The following PAM variants were observed in gnomAD, a reference collection of about 807,000 sequenced individuals.
PAM encodes the protein peptidylglycine alpha-amidating monooxygenase, also known as peptidyl-glycine alpha-amidating monooxygenase.
In PAM, 72 loss-of-function variants were observed where a neutral mutation model predicts 122.1. The observed-to-expected ratio is 0.59, with a 90% CI of 0.49 to 0.72. The LOEUF is 0.72. PAM is among the 30% of genes least tolerant of loss of function. The pLI, the probability that PAM is intolerant of heterozygous loss-of-function variation, is 0.00. For synonymous variants in PAM, 389 were observed against 404.4 expected (o/e 0.96, Z 0.46); for missense variants, 1,106 against 1,183.7 (o/e 0.93, Z 0.96).
chr5:102,848,047 G>A (rs1001794377), intron 1 of PAM, among the ~76,000 whole-genome samples: 4 of 152,148 alleles, frequency 2.6e-5, no homozygotes, highest in Admixed American at 2.6e-4. Flanking sequence ...AGAATATATA[G>A]AATGATCTTC....
intron 1 of PAM, among the ~76,000 whole-genome samples, chr5:102,770,150 A>T (rs1755323146): frequency 6.6e-6 from 1 of 151,884 alleles, no homozygotes; most frequent in African/African-American, 2.4e-5. Flanking sequence ...TCTTCTTCAG[A>T]TTGTTTGGCT....
At chr5:102,775,305 A>G (rs1756864125) in intron 1 of PAM, among the ~76,000 whole-genome samples, 2 of 152,012 alleles carry the variant, frequency 1.3e-5, no homozygotes, top group African/African-American at 4.8e-5. Context: ...TACTTTAAGA[A>G]TTTTTGTCTA....
At chr5:102,774,822 A>G (rs1756736594) in intron 1 of PAM, among the ~76,000 whole-genome samples, 1 of 152,082 alleles carries the variant, frequency 6.6e-6, no homozygotes, top group East Asian at 1.9e-4. Flanking sequence ...ATTTTTTAAC[A>G]TACTTAATGT....
At chr5:102,841,548 G>A (rs1376416079) in intron 1 of PAM, among the ~76,000 whole-genome samples, 1 of 152,034 alleles carries the variant, frequency 6.6e-6, no homozygotes, top group Admixed American at 6.6e-5. Flanking sequence ...TTAAAGGTTT[G>A]AAAGAGAGGC....
intron 16 of PAM, among the ~76,000 whole-genome samples, chr5:102,999,496 A>G (rs1443731793): frequency 6.6e-6 from 1 of 152,194 alleles, no homozygotes; most frequent in East Asian, 1.9e-4. Flanking sequence ...CAGCTCCACT[A>G]GGCAGTGCAC....
chr5:102,772,893 C>T (rs1756193450), intron 1 of PAM, among the ~76,000 whole-genome samples: 1 of 152,074 alleles, frequency 6.6e-6, no homozygotes, highest in Non-Finnish European at 1.5e-5. Flanking sequence ...TTTCAAATAT[C>T]TGGAGTTTCA....
At chr5:102,812,941 C>A (rs890131797) in intron 1 of PAM, among the ~76,000 whole-genome samples, 1 of 151,488 alleles carries the variant, frequency 6.6e-6, no homozygotes, top group Non-Finnish European at 1.5e-5. Flanking sequence ...CAAGTGCTCA[C>A]GTAAATAAAA....
At chr5:102,918,414 A>G (rs772938124) in intron 5 of PAM, among the ~76,000 whole-genome samples, 2 of 152,168 alleles carry the variant, frequency 1.3e-5, no homozygotes, top group African/African-American at 2.4e-5. Context: ...CTAAGTGAGC[A>G]GATGCTCTTT....
chr5:102,936,118 T>C (rs1050601256), intron 7 of PAM, among the ~76,000 whole-genome samples: 2 of 152,164 alleles, frequency 1.3e-5, no homozygotes, highest in Admixed American at 1.3e-4. Context: ...ATCTGTTGTA[T>C]CTGTGTGGTG....
At chr5:102,822,149 G>A (rs1300441862) in intron 1 of PAM, among the ~76,000 whole-genome samples, 2 of 152,138 alleles carry the variant, frequency 1.3e-5, no homozygotes, top group South Asian at 2.1e-4. Flanking sequence ...AAATAATAAC[G>A]ATTATGGCCG....
At chr5:102,951,330 A>C (rs971220972) in intron 12 of PAM, among the ~76,000 whole-genome samples, 1 of 152,202 alleles carries the variant, frequency 6.6e-6, no homozygotes, top group Middle Eastern at 3.4e-3. Context: ...AATTTTTTAA[A>C]TACTGAGCCT....
At chr5:102,982,195 C>T (rs928115603) in intron 15 of PAM, among the ~76,000 whole-genome samples, 5 of 152,146 alleles carry the variant, frequency 3.3e-5, no homozygotes, top group African/African-American at 1.2e-4. Flanking sequence ...GTCTGTCAAG[C>T]CTGCCATCAC....
At chr5:102,908,631 T>G (rs572277595) in intron 4 of PAM, among the ~76,000 whole-genome samples, 84 of 151,496 alleles carry the variant, frequency 5.5e-4, no homozygotes, top group Non-Finnish European at 7.7e-4. Flanking sequence ...GACGAGTTAG[T>G]GGGTGCAGCG....
intron 1 of PAM, among the ~76,000 whole-genome samples, chr5:102,812,941 C>T (rs890131797): frequency 1.3e-5 from 2 of 151,610 alleles, no homozygotes; most frequent in Non-Finnish European, 2.9e-5. Flanking sequence ...CAAGTGCTCA[C>T]GTAAATAAAA....
At position 102,950,042 on chromosome 5, in the gene PAM, A is replaced by G. The variant is rs547253991; in HGVS notation, c.801+64A>G. Reference sequence around the variant, plus strand: ...TTAACCAGCAGAAAGTAATTTTTAAAAATTATTATGCAACTCTTGTGAATT... The same window carrying G: ...TTAACCAGCAGAAAGTAATTTTTAAGAATTATTATGCAACTCTTGTGAATT... On this transcript the variant is annotated intron_variant, in intron 11 of 25. Coordinates refer to ENST00000438793, the MANE Select transcript of PAM (RefSeq NM_001177306.2). 3.0e-5 allele frequency: 26 copies of G among 856,190 alleles called. No homozygotes were observed. The African/African-American group carries it at 4.1e-4, about 13-fold the overall frequency. 53.0% of individuals were successfully genotyped at this position (856,190 alleles called of 1,614,324 possible).
intron 1 of PAM, among the ~76,000 whole-genome samples, chr5:102,860,213 C>T (rs571218292): frequency 6.6e-6 from 1 of 152,034 alleles, no homozygotes; most frequent in African/African-American, 2.4e-5. Flanking sequence ...GGTAAGGAGG[C>T]ATCCGTGTGA....
intron 5 of PAM, among the ~76,000 whole-genome samples, chr5:102,914,663 A>G (rs1802569653): frequency 6.6e-6 from 1 of 152,038 alleles, no homozygotes; most frequent in Non-Finnish European, 1.5e-5. Context: ...CTGCAAAGCA[A>G]ATATTGTTAT....
intron 7 of PAM, among the ~76,000 whole-genome samples, chr5:102,927,463 A>AT (rs1291979789): frequency 2.0e-5 from 3 of 152,126 alleles, no homozygotes; most frequent in Non-Finnish European, 4.4e-5. Flanking sequence ...ATTCTCCTGA[A>AT]TTCTCTAATT....
chr5:102,886,823 G>A (rs1447540590), intron 3 of PAM, among the ~76,000 whole-genome samples: 1 of 152,054 alleles, frequency 6.6e-6, no homozygotes, highest in African/African-American at 2.4e-5. Context: ...TGTCCTGTGG[G>A]AAAGATATTG....
Sources: allele counts gnomAD v4.1 joint callset (sites outside exome capture counted in the v4.1 genomes callset), GRCh38; gene constraint gnomAD v4.1.1; transcripts MANE v1.5; gene names NCBI Gene and HGNC (gene_info 2026-07-23, HGNC 2026-07-21).